OSBPL9: variants seen among roughly 807,000 people sequenced by gnomAD.
The protein encoded by OSBPL9 is oxysterol binding protein like 9, also known as oxysterol-binding protein-related protein 9.
OSBPL9 carries 40 observed loss-of-function variants against 106.6 expected under a neutral mutation model. The ratio of observed to expected loss-of-function variants is 0.38; its 90% CI spans 0.29 to 0.49. The LOEUF (loss-of-function observed/expected upper bound fraction) is 0.49, where lower values mean the gene tolerates loss of function less well. Ranked by LOEUF, OSBPL9 falls within the 20% of genes least tolerant of loss-of-function variation. The pLI is 0.97. For synonymous variants in OSBPL9, 269 were observed against 295.4 expected (o/e 0.91, Z 0.92); for missense variants, 609 against 887.2 (o/e 0.69, Z 3.98).
chr1:51,782,774 GAAACT>G, intron 17 of OSBPL9, 131 bp downstream of exon 17: 1 of 693,964 alleles, frequency 1.4e-6, no homozygotes, highest in Non-Finnish European at 2.3e-6. Flanking sequence ...CCCTGAAGTG[GAAACT>G]CAAGTTGATT....
At chr1:51,527,962 A>C in the OSBPL9 span, among the ~76,000 whole-genome samples, 39 of 146,194 alleles carry the variant, frequency 2.7e-4, no homozygotes, top group African/African-American at 8.6e-4. Flanking sequence ...AAAATACAAA[A>C]AAAAAAAAAA....
At chr1:51,785,749 A>C in intron 20 of OSBPL9, 59 bp from the exon 21 acceptor site, 1 of 1,461,588 alleles carries the variant, frequency 6.8e-7, no homozygotes, top group Admixed American at 1.7e-5. Flanking sequence ...CACACTGAGC[A>C]GATTCTTTGG....
chr1:51,666,334 G>A (rs1648510106), intron 2 of OSBPL9, among the ~76,000 whole-genome samples: 1 of 152,218 alleles, frequency 6.6e-6, no homozygotes, highest in Admixed American at 6.5e-5. Context: ...GCTAGAGGGA[G>A]ATGTGGGATT....
intron 4 of OSBPL9, among the ~76,000 whole-genome samples, chr1:51,718,653 A>G (rs1661511156): frequency 6.6e-6 from 1 of 152,188 alleles, no homozygotes; most frequent in Non-Finnish European, 1.5e-5. Flanking sequence ...TGTATCTATC[A>G]CAATTTTTGT....
chr1:51,613,246 G>A (rs1325352585), upstream of OSBPL9, among the ~76,000 whole-genome samples: 2 of 152,184 alleles, frequency 1.3e-5, no homozygotes, highest in Non-Finnish European at 2.9e-5. Context: ...TCTGAGTCAT[G>A]ATGTTTCAAG....
At chr1:51,680,911 C>T (rs556279698) in intron 3 of OSBPL9, among the ~76,000 whole-genome samples, 1 of 152,266 alleles carries the variant, frequency 6.6e-6, no homozygotes, top group Non-Finnish European at 1.5e-5. Flanking sequence ...CTGTTTTCAT[C>T]ACACCCCTCA....
chr1:51,733,252 G>C (rs762201265), intron 4 of OSBPL9, among the ~76,000 whole-genome samples: 1 of 152,092 alleles, frequency 6.6e-6, no homozygotes, highest in Non-Finnish European at 1.5e-5. Flanking sequence ...TTGTATCCCC[G>C]GGGCCTTTGT....
chr1:51,546,684 C>G, the OSBPL9 span, among the ~76,000 whole-genome samples: 1 of 147,408 alleles, frequency 6.8e-6, no homozygotes, highest in African/African-American at 2.5e-5. Context: ...GCGACAGAGC[C>G]AGACTCTGTC....
Position 51,585,072 on chromosome 1 carries a change from G to A in OSBPL9, c.-423+7816G>A, listed in dbSNP as rs116235097. Among the ~76,000 whole-genome samples, 994 of 152,140 alleles carry A rather than the reference G, an allele frequency of 6.5e-3. 6 individuals carry two copies. Among genetic ancestry groups the A allele is most frequent in the African/African-American group, 0.023 (967 of 41,496 alleles). ...ACCTATAGTCTCAGCTACTCAAGAG[G>A]CTGAGGTGGGAGGATCACTTCAGCC... On this transcript the variant is annotated intron_variant, in intron 1 of 25. Coordinates refer to the OSBPL9 transcript ENST00000371714.
chr1:51,751,653 A>T (rs1669262947), intron 8 of OSBPL9, among the ~76,000 whole-genome samples: 1 of 152,220 alleles, frequency 6.6e-6, no homozygotes, highest in Non-Finnish European at 1.5e-5. Context: ...TGTTTGAGTG[A>T]CTAGGTATTT....
chr1:51,733,115 G>A (rs1664833679), intron 4 of OSBPL9, among the ~76,000 whole-genome samples: 3 of 152,146 alleles, frequency 2.0e-5, no homozygotes, highest in African/African-American at 7.2e-5. Context: ...TCTTGTGTGT[G>A]CTACTACAGC....
intron 3 of OSBPL9, among the ~76,000 whole-genome samples, chr1:51,674,253 A>G (rs983130077): frequency 6.6e-6 from 1 of 151,582 alleles, no homozygotes; most frequent in Admixed American, 6.6e-5. Context: ...TTAATAAAAA[A>G]TTTTTATTGT....
At chr1:51,572,986 C>T (rs1335526467), upstream of OSBPL9, among the ~76,000 whole-genome samples, 3 of 151,976 alleles carry the variant, frequency 2.0e-5, no homozygotes, top group East Asian at 1.9e-4. Context: ...CTGAGGTGAG[C>T]GGATCACCTG....
intron 4 of OSBPL9, among the ~76,000 whole-genome samples, chr1:51,740,943 C>T (rs539411258): frequency 6.6e-6 from 1 of 152,226 alleles, no homozygotes; most frequent in South Asian, 2.1e-4. Context: ...AGTGTCTCTC[C>T]AAAGCAACTA....
At chr1:51,706,865 T>G (rs1283280055) in intron 3 of OSBPL9, among the ~76,000 whole-genome samples, 1 of 152,176 alleles carries the variant, frequency 6.6e-6, no homozygotes, top group African/African-American at 2.4e-5. Context: ...TTTTTAAAAA[T>G]TCCAAAACAT....
At chr1:51,663,649 T>G (rs918074944) in intron 2 of OSBPL9, among the ~76,000 whole-genome samples, 5 of 152,202 alleles carry the variant, frequency 3.3e-5, no homozygotes. Flanking sequence ...GTCAATACAC[T>G]GTCCTACATT....
At chr1:51,715,500 A>G (rs1208715275) in intron 4 of OSBPL9, among the ~76,000 whole-genome samples, 1 of 151,928 alleles carries the variant, frequency 6.6e-6, no homozygotes, top group Non-Finnish European at 1.5e-5. Context: ...ATCTAGTTAG[A>G]TGTGGTTTGT....
intron 2 of OSBPL9, among the ~76,000 whole-genome samples, chr1:51,654,492 T>C (rs1646704683): frequency 6.6e-6 from 1 of 152,184 alleles, no homozygotes; most frequent in Non-Finnish European, 1.5e-5. Flanking sequence ...CAACCACTTA[T>C]ATATGTGTTT....
In OSBPL9 at chr1:51,607,485, T is replaced by C. The variant is rs149300225; in HGVS notation, c.-352-6820T>C. Among the ~76,000 whole-genome samples, 882 of 152,218 alleles carry C rather than the reference T, an allele frequency of 5.8e-3. 2 individuals are homozygous for C. Among genetic ancestry groups the C allele is most frequent in the African/African-American group, 0.02 (826 of 41,534 alleles). ...CCTACAGATGTTTTTCTGTAGTATA[T>C]CTATGTAATCTTCTGGGTAGATAGG... On this transcript the variant is annotated intron_variant, in intron 2 of 25. Coordinates refer to the OSBPL9 transcript ENST00000371714.
Sources: allele counts gnomAD v4.1 joint callset (sites outside exome capture counted in the v4.1 genomes callset), GRCh38; gene constraint gnomAD v4.1.1; transcripts MANE v1.5; gene names NCBI Gene and HGNC (gene_info 2026-07-23, HGNC 2026-07-21).